Variants in MARK2 observed in about 807,000 individuals in gnomAD.
MARK2 encodes microtubule affinity regulating kinase 2.
A neutral mutation model predicts 89.8 loss-of-function variants in MARK2; 16 were observed. The observed-to-expected ratio is 0.18, with a 90% CI of 0.12 to 0.27. MARK2 has a LOEUF of 0.27. Among genes scored for constraint, MARK2 ranks in the 10% least tolerant of loss-of-function variants. The pLI is 1.00. For synonymous variants in MARK2, 382 were observed against 399.5 expected (o/e 0.96, Z 0.52); for missense variants, 621 against 1,049.9 (o/e 0.59, Z 5.65).
chr11:63,852,200 A>C, intron 1 of MARK2, among the ~76,000 whole-genome samples: 1 of 152,140 alleles, frequency 6.6e-6, no homozygotes, highest in East Asian at 1.9e-4. Flanking sequence ...TATAATTTTT[A>C]AGGTAGTACT....
At position 63,902,136 on chromosome 11, in the gene MARK2, C is replaced by T. The variant is rs1442944106; in HGVS notation, c.1102-62C>T. 7 of 1,585,188 alleles carry T rather than the reference C, an allele frequency of 4.4e-6. No homozygotes were observed. The highest frequency in any genetic ancestry group is 8.6e-7 in the Non-Finnish European group (1 of 1,157,064). On this transcript the variant is annotated intron_variant, in intron 11 of 18. Coordinates refer to ENST00000402010, the MANE Select transcript of MARK2 (RefSeq NM_001039469.3). The surrounding 1 kb of genome is among the most constrained non-coding windows in gnomAD (Gnocchi z 4.2). ...AGAGGGCGGTATGTGTAAATGTGTC[C>T]ATCCATAGGGATCTCCACATGACTT...
intron 1 of MARK2, among the ~76,000 whole-genome samples, chr11:63,858,406 C>G (rs905612764): frequency 1.2e-4 from 18 of 151,324 alleles, no homozygotes; most frequent in Non-Finnish European, 2.7e-4. Context: ...ATCACCCAGG[C>G]TGGAGTGCAA....
intron 1 of MARK2, among the ~76,000 whole-genome samples, chr11:63,853,101 A>G (rs2016653368): frequency 6.6e-6 from 1 of 152,184 alleles, no homozygotes; most frequent in Non-Finnish European, 1.5e-5. Context: ...ACCAGGATTC[A>G]TTAAATTAAA....
chr11:63,882,300 T>C (rs1025567218), intron 1 of MARK2, among the ~76,000 whole-genome samples: 13 of 151,672 alleles, frequency 8.6e-5, no homozygotes, highest in Admixed American at 2.0e-4. Context: ...TTAAAAAATA[T>C]GGGCCAGGCT....
At chr11:63,898,959 CA>C in intron 6 of MARK2, 92 bp from the exon 7 acceptor site, 2 of 1,211,132 alleles carry the variant, frequency 1.7e-6, no homozygotes, top group East Asian at 4.6e-5. Flanking sequence ...ATCCGTGTGG[CA>C]GGTTAGCACT....
At chr11:63,875,636 A>T (rs1375995707) in intron 1 of MARK2, among the ~76,000 whole-genome samples, 2 of 152,214 alleles carry the variant, frequency 1.3e-5, no homozygotes, top group Non-Finnish European at 2.9e-5. Flanking sequence ...GGCCCAGGAC[A>T]TGCAGCTGTT....
chr11:63,885,400 G>A (rs1366475428), intron 1 of MARK2, among the ~76,000 whole-genome samples: 4 of 151,752 alleles, frequency 2.6e-5, no homozygotes, highest in Non-Finnish European at 2.9e-5. Context: ...TTAGCCGGGC[G>A]TATTGCTGTG....
In MARK2 at chr11:63,868,810, T is replaced by C. The variant is rs542363751; in HGVS notation, c.55-26349T>C. Reference sequence around the variant, plus strand: ...ATATTGTCCAGCGTTGGAGAGATCATGTGGTCTGTCAGAAGGCTGGAGTTA... The same window carrying C: ...ATATTGTCCAGCGTTGGAGAGATCACGTGGTCTGTCAGAAGGCTGGAGTTA... On this transcript the variant is annotated intron_variant, in intron 1 of 18. Coordinates refer to ENST00000402010, the MANE Select transcript of MARK2 (RefSeq NM_001039469.3). The C allele has an allele frequency of 3.0e-3, 1,379 of 456,044 alleles. 38 individuals carry two copies. Among genetic ancestry groups the C allele is most frequent in the South Asian group, 0.021 (1,339 of 64,564 alleles). The allele number at this position is 456,044 out of a possible 1,614,324, so 28.2% of individuals were successfully genotyped here.
At chr11:63,896,646 C>G (rs1049554908) in intron 3 of MARK2, among the ~76,000 whole-genome samples, 1 of 152,210 alleles carries the variant, frequency 6.6e-6, no homozygotes, top group African/African-American at 2.4e-5. Context: ...TCCGGACATG[C>G]AAATAGCCAG....
chr11:63,861,805 G>A lies in MARK2; in HGVS notation c.54+22245G>A, dbSNP rs184281062. The stretch of plus-strand genomic sequence containing the variant: ...TGTCCAGGCTAGAGTGCAACGGCAC[G>A]ACCTTGGCTCACTGCAACCTCCGCC... On this transcript the variant is annotated intron_variant, in intron 1 of 18. Transcript: ENST00000402010. Among the ~76,000 whole-genome samples the A allele has an allele frequency of 6.9e-5, 10 of 145,094 alleles. No homozygotes were observed. The East Asian group carries it at 1.9e-3, about 27-fold the overall frequency.
At chr11:63,893,622 G>A (rs1275907169) in intron 1 of MARK2, among the ~76,000 whole-genome samples, 8 of 151,982 alleles carry the variant, frequency 5.3e-5, no homozygotes, top group African/African-American at 1.9e-4. Context: ...GAATGTACAC[G>A]TCTTCACATA....
intron 1 of MARK2, among the ~76,000 whole-genome samples, chr11:63,885,064 TTGGTGGCCCATGCC>T (rs1939313150): frequency 6.6e-6 from 1 of 151,818 alleles, no homozygotes; most frequent in Admixed American, 6.6e-5. Context: ...TTAGCCGGGC[TTGGTGGCCCATGCC>T]TGTAGCCCCA....
intron 1 of MARK2, among the ~76,000 whole-genome samples, chr11:63,848,754 G>A (rs1307830385): frequency 6.6e-6 from 1 of 151,630 alleles, no homozygotes; most frequent in Non-Finnish European, 1.5e-5. Context: ...GTAGAGATGA[G>A]GTTTCACCAT....
intron 7 of MARK2, among the ~76,000 whole-genome samples, chr11:63,899,380 T>G (rs1940681708): frequency 6.6e-6 from 1 of 152,120 alleles, no homozygotes; most frequent in Non-Finnish European, 1.5e-5. Flanking sequence ...GCACATCACC[T>G]TTTAGTGCTG....
At chr11:63,899,132 G>T in intron 7 of MARK2, 24 bp downstream of exon 7, 1 of 1,553,092 alleles carries the variant, frequency 6.4e-7, no homozygotes, top group Non-Finnish European at 8.9e-7. Context: ...TTCTCCTTGT[G>T]CCTTTGAGTG....
intron 1 of MARK2, among the ~76,000 whole-genome samples, chr11:63,893,634 A>G (rs1347255123): frequency 6.6e-6 from 1 of 152,054 alleles, no homozygotes; most frequent in Non-Finnish European, 1.5e-5. Context: ...CTTCACATAG[A>G]TGTATGTTTT....
At chr11:63,876,711 ATCTTT>A (rs10532392) in intron 1 of MARK2, among the ~76,000 whole-genome samples, 72,823 of 151,654 alleles carry the variant, frequency 0.48, 19,668 homozygotes, top group East Asian at 0.88. Context: ...TCTTGGAGCC[ATCTTT>A]TCTTCCCTGC....
chr11:63,897,188 G>A lies in MARK2; in HGVS notation c.289-1044G>A, dbSNP rs1940481186. Among the ~76,000 whole-genome samples the A allele has an allele frequency of 2.0e-5, 3 of 152,204 alleles. No individual in the cohort carries two copies. The South Asian group carries it at 6.2e-4, about 31-fold the overall frequency. On this transcript the variant is annotated intron_variant, in intron 3 of 18. Coordinates refer to ENST00000402010, the MANE Select transcript of MARK2 (RefSeq NM_001039469.3). ...TGCCAGGTGAGCAGCCTCAGGGGAAGAAGCCCTGGCAGCTGCCTCTGGCCC... is the reference window on the plus strand; with the variant it reads ...TGCCAGGTGAGCAGCCTCAGGGGAAAAAGCCCTGGCAGCTGCCTCTGGCCC...
intron 1 of MARK2, among the ~76,000 whole-genome samples, chr11:63,846,582 A>C (rs971065637): frequency 2.6e-5 from 4 of 151,562 alleles, no homozygotes; most frequent in Admixed American, 2.6e-4. Context: ...CCTTGAACTC[A>C]TGACCTCGTG....
Sources: gnomAD v4.1 joint callset for allele counts (sites outside exome capture counted in the v4.1 genomes callset) on GRCh38, gnomAD v4.1.1 for gene constraint, Gnocchi (gnomAD v3.1) non-coding constraint, MANE v1.5 for transcripts, NCBI Gene and HGNC (gene_info 2026-07-23, HGNC 2026-07-21) for gene names.